The following AOPEP variants were observed in gnomAD, a reference collection of about 807,000 sequenced individuals.
AOPEP encodes aminopeptidase O (putative), also known as aminopeptidase O.
In AOPEP, 77 loss-of-function variants were observed where a neutral mutation model predicts 98.1. The ratio of observed to expected loss-of-function variants is 0.78; its 90% CI spans 0.65 to 0.95. The LOEUF is 0.95. Ranked by LOEUF, AOPEP falls within the 40% of genes least tolerant of loss-of-function variation. The pLI is 0.00. For synonymous variants in AOPEP, 346 were observed against 365.3 expected (o/e 0.95, Z 0.60); for missense variants, 1,024 against 1,024.7 (o/e 1.00, Z 0.01).
At chr9:94,861,826 G>A (rs2045047724) in intron 5 of AOPEP, among the ~76,000 whole-genome samples, 1 of 152,190 alleles carries the variant, frequency 6.6e-6, no homozygotes, top group Non-Finnish European at 1.5e-5. Flanking sequence ...CATGGGTCGG[G>A]TCCTCCGTGC....
At position 94,772,989 on chromosome 9, in the gene AOPEP, C is replaced by T. The variant is rs1175310342; in HGVS notation, c.798-13C>T. 6.4e-7 allele frequency: 1 copy of T among 1,566,468 alleles called. No individual in the cohort carries two copies. On this transcript the variant is annotated splice_polypyrimidine_tract_variant and intron_variant, in intron 2 of 16. Coordinates refer to ENST00000375315, the MANE Select transcript of AOPEP (RefSeq NM_001193329.3). Reference sequence around the variant, plus strand: ...AGATTCACCCCCTTTCTTTCTTTGTCTCTCTTCTGCAGGCCATGTGTTTAT... The same window carrying T: ...AGATTCACCCCCTTTCTTTCTTTGTTTCTCTTCTGCAGGCCATGTGTTTAT...
intron 14 of AOPEP, among the ~76,000 whole-genome samples, chr9:95,076,445 C>T (rs2069077399): frequency 1.3e-5 from 2 of 152,202 alleles, no homozygotes; most frequent in African/African-American, 4.8e-5. Flanking sequence ...TTGTGTCTAT[C>T]TGTCAGGGTC....
intron 5 of AOPEP, among the ~76,000 whole-genome samples, chr9:94,915,533 G>A (rs974719190): frequency 2.6e-5 from 4 of 151,882 alleles, no homozygotes; most frequent in African/African-American, 7.3e-5. Context: ...CCACCCCGAC[G>A]TCCTGCTGCC....
intron 7 of AOPEP, among the ~76,000 whole-genome samples, chr9:94,949,652 C>T (rs757661586): frequency 1.1e-4 from 17 of 152,178 alleles, no homozygotes; most frequent in African/African-American, 1.7e-4. Context: ...CAAATACCAG[C>T]GGTGTTGATA....
intron 5 of AOPEP, among the ~76,000 whole-genome samples, chr9:94,817,605 G>A (rs1304497641): frequency 6.6e-6 from 1 of 152,190 alleles, no homozygotes; most frequent in African/African-American, 2.4e-5. Flanking sequence ...AGTAGGACGA[G>A]TTATGGCATA....
chr9:94,965,428 CT>C (rs1361544938), intron 9 of AOPEP, among the ~76,000 whole-genome samples: 1 of 152,232 alleles, frequency 6.6e-6, no homozygotes, highest in Admixed American at 6.5e-5. Flanking sequence ...AAGAAATGGA[CT>C]GTGACCACCC....
chr9:95,099,500 T>G, the AOPEP span: 1 of 227,662 alleles, frequency 4.4e-6, no homozygotes, highest in African/African-American at 2.2e-5. Context: ...TTTGCCGAAA[T>G]CGAAGGCAAC....
chr9:95,115,790 G>A, the AOPEP span, among the ~76,000 whole-genome samples: 8 of 152,234 alleles, frequency 5.3e-5, no homozygotes, highest in East Asian at 1.5e-3. Flanking sequence ...GGTATTTTTC[G>A]TTTCTTCCTT....
At chr9:94,788,064 C>G (rs1446956489) in intron 3 of AOPEP, among the ~76,000 whole-genome samples, 1 of 151,796 alleles carries the variant, frequency 6.6e-6, no homozygotes, top group African/African-American at 2.4e-5. Context: ...GATCAGTATT[C>G]TTCATTTATA....
intron 5 of AOPEP, among the ~76,000 whole-genome samples, chr9:94,831,404 T>G (rs192750971): frequency 1.1e-4 from 16 of 152,286 alleles, no homozygotes; most frequent in African/African-American, 3.9e-4. Context: ...TTCTGTTCTA[T>G]TGGTCTGTGT....
At chr9:94,911,756 C>T (rs2052068567) in intron 5 of AOPEP, among the ~76,000 whole-genome samples, 1 of 152,148 alleles carries the variant, frequency 6.6e-6, no homozygotes, top group Admixed American at 6.5e-5. Context: ...CTGCCCAGAC[C>T]CTGGTCTCAG....
Position 95,080,782 on chromosome 9 carries a change from T to A in AOPEP, c.2319+2T>A. 6.2e-7 allele frequency: 1 copy of A among 1,610,132 alleles called. No homozygotes were observed. The highest frequency in any genetic ancestry group is 1.1e-5 in the South Asian group (1 of 91,014). ...GAGAGGTTCCTTCAGGAGGATCAGG[T>A]AGGTGTCATCTTTCAGCAGATGGGG... On this transcript the variant is annotated splice_donor_variant, in intron 15 of 16. Transcript: ENST00000375315. LOFTEE classifies it high-confidence loss of function.
At chr9:94,800,710 G>A (rs1344005345) in intron 4 of AOPEP, 47 bp from the exon 5 acceptor site, 2 of 1,604,490 alleles carry the variant, frequency 1.2e-6, no homozygotes, top group Admixed American at 1.7e-5. Flanking sequence ...CACCTCCACA[G>A]CAAGAATAAT....
chr9:94,992,032 T>C (rs1245847524), intron 11 of AOPEP, among the ~76,000 whole-genome samples: 1 of 152,222 alleles, frequency 6.6e-6, no homozygotes, highest in Non-Finnish European at 1.5e-5. Flanking sequence ...TGTATCTTGA[T>C]GTACATTTTT....
intron 5 of AOPEP, among the ~76,000 whole-genome samples, chr9:94,870,697 C>T (rs1360581381): frequency 6.6e-6 from 1 of 152,208 alleles, no homozygotes; most frequent in Non-Finnish European, 1.5e-5. Flanking sequence ...TAGATGTACG[C>T]TGTGACATTT....
Position 94,979,901 on chromosome 9 carries a change from G to C in AOPEP, c.1977+474G>C, listed in dbSNP as rs75399487. ...TCCCTGTCCCTTGTTTCCCTGACACGCCTGTGGCTCCCTCGTCTCCTGGTT... is the reference window on the plus strand; with the variant it reads ...TCCCTGTCCCTTGTTTCCCTGACACCCCTGTGGCTCCCTCGTCTCCTGGTT... On this transcript the variant is annotated intron_variant, in intron 11 of 16. Coordinates refer to ENST00000375315, the MANE Select transcript of AOPEP (RefSeq NM_001193329.3). Among the ~76,000 whole-genome samples the C allele has an allele frequency of 7.9e-3, 1,209 of 152,270 alleles. 22 individuals are homozygous for C. Among genetic ancestry groups the C allele is most frequent in the African/African-American group, 0.028 (1,157 of 41,536 alleles).
intron 13 of AOPEP, among the ~76,000 whole-genome samples, chr9:95,058,625 G>T (rs1355427825): frequency 6.6e-6 from 1 of 152,204 alleles, no homozygotes; most frequent in African/African-American, 2.4e-5. Context: ...GAGTGTTTGT[G>T]GGGTAGAGCA....
chr9:94,793,038 T>C (rs1196336648), intron 4 of AOPEP, 120 bp downstream of exon 4: 4 of 1,141,242 alleles, frequency 3.5e-6, no homozygotes, highest in Non-Finnish European at 5.0e-6. Context: ...TAAACCAAAA[T>C]AGGATTAATC....
Position 94,888,294 on chromosome 9 carries a change from C to CGTGTGTGTGTGTGT in AOPEP, c.1365-35667_1365-35654dup, listed in dbSNP as rs59342995. On this transcript the variant is annotated intron_variant, in intron 5 of 16. Transcript: ENST00000375315. ...GAGATGGAATCATGAAGAACCTTAC[C>CGTGTGTGTGTGTGT]GTGTGTGTGTGTGTGTGTGTGTGTG... Among the ~76,000 whole-genome samples, 792 of 137,668 alleles carry CGTGTGTGTGTGTGT rather than the reference C, an allele frequency of 5.8e-3. 13 individuals carry two copies. The highest frequency in any genetic ancestry group is 0.016 in the East Asian group (74 of 4,604). 90.3% of individuals were successfully genotyped at this position (137,668 alleles called of 152,430 possible).
Sources: allele counts gnomAD v4.1 joint callset (sites outside exome capture counted in the v4.1 genomes callset), GRCh38; gene constraint gnomAD v4.1.1; transcripts MANE v1.5; gene names NCBI Gene and HGNC (gene_info 2026-07-23, HGNC 2026-07-21).